Variants in BTAF1 observed in about 807,000 individuals in gnomAD.
BTAF1 encodes TATA-binding protein-associated factor 172.
A neutral mutation model predicts 227.1 loss-of-function variants in BTAF1; 38 were observed. The observed-to-expected ratio is 0.17, with a 90% CI of 0.13 to 0.22. The LOEUF is 0.22. Ranked by LOEUF, BTAF1 falls within the 10% of genes least tolerant of loss-of-function variation. The probability of loss-of-function intolerance (pLI) is 1.00; values close to 1 mark genes in which losing one functional copy is unlikely to be tolerated. For missense variants in BTAF1, 1,598 were observed against 2,204.0 expected, an observed-to-expected ratio of 0.73 and a Z score of 5.51; for synonymous variants, 742 against 751.9, an observed-to-expected ratio of 0.99 and a Z score of 0.21.
intron 1 of BTAF1, among the ~76,000 whole-genome samples, chr10:91,925,213 A>G (rs1226438464): frequency 1.3e-5 from 2 of 152,158 alleles, no homozygotes; most frequent in Non-Finnish European, 2.9e-5. Context: ...AATCTATTCA[A>G]TGTGAGGAAA....
intron 34 of BTAF1, among the ~76,000 whole-genome samples, chr10:92,020,752 T>C (rs1403645107): frequency 6.6e-6 from 1 of 152,208 alleles, no homozygotes; most frequent in East Asian, 1.9e-4. Flanking sequence ...TTTCCTAACA[T>C]AGCTAGTATA....
intron 28 of BTAF1, among the ~76,000 whole-genome samples, chr10:92,009,944 C>T (rs1432629722): frequency 6.6e-6 from 1 of 152,024 alleles, no homozygotes; most frequent in Non-Finnish European, 1.5e-5. Flanking sequence ...TTGCTGTACT[C>T]CTGTGTTAAT....
At position 91,992,236 on chromosome 10, in the gene BTAF1, C is replaced by T. The variant is rs148135608; in HGVS notation, c.2972C>T (p.Pro991Leu). Residue 991 changes from proline to leucine, a missense_variant, in exon 21 of 38, where the codon CCC becomes CTC. Physicochemically the swap from Pro to Leu is moderately conservative, Grantham distance 98. This residue lies in a region of BTAF1 where 425 missense variants were observed against 491.2 expected (regional missense o/e 0.87). Transcript: ENST00000265990. The part of the protein sequence containing the change: ...FAITSRRGPT[P>L]KAVKAQIADL... ...ATCACAAGTAGGCGAGGTCCTACCC[C>T]CAAAGCAGTAAAAGCTCAAATAGCA... 5 of 1,613,652 alleles carry T rather than the reference C, an allele frequency of 3.1e-6. No homozygotes were observed. The Admixed American group carries it at 5.0e-5, about 16-fold the overall frequency.
intron 3 of BTAF1, among the ~76,000 whole-genome samples, chr10:91,942,038 G>A (rs1377086769): frequency 1.3e-5 from 2 of 152,214 alleles, no homozygotes; most frequent in Non-Finnish European, 2.9e-5. Flanking sequence ...ACTTTGGGAA[G>A]TTGAGGCAGG....
At position 91,960,099 on chromosome 10, in the gene BTAF1, G is replaced by A; in HGVS notation, c.1208G>A (p.Trp403Ter). The A allele has an allele frequency of 6.2e-7, 1 of 1,613,778 alleles. No individual in the cohort carries two copies. Among genetic ancestry groups the A allele is most frequent in the African/African-American group, 1.3e-5 (1 of 75,012 alleles). The change falls in exon 11 of 38, where the codon TGG (tryptophan) becomes TAG (stop). Residue 403 changes from tryptophan to a stop codon, truncating the protein, a stop_gained. Transcript: ENST00000265990. LOFTEE classifies it high-confidence loss of function. ...VLLKLLTQEQWEVRHGGLLGI... is the reference protein window; with the variant it reads ...VLLKLLTQEQ Reference sequence around the variant, plus strand: ...CTAAAATTACTTACACAAGAACAATGGGAAGTTAGACATGGTGGTCTGCTG... The same window carrying A: ...CTAAAATTACTTACACAAGAACAATAGGAAGTTAGACATGGTGGTCTGCTG...
At chr10:91,977,483 A>G (rs947387175) in intron 14 of BTAF1, among the ~76,000 whole-genome samples, 9 of 152,150 alleles carry the variant, frequency 5.9e-5, no homozygotes, top group African/African-American at 1.7e-4. Context: ...TTATCCATTC[A>G]CCTACCGAAG....
intron 14 of BTAF1, among the ~76,000 whole-genome samples, chr10:91,970,704 T>C (rs1407277035): frequency 6.6e-6 from 1 of 152,190 alleles, no homozygotes; most frequent in East Asian, 1.9e-4. Context: ...TACATGTTTC[T>C]TACCTTGGAA....
chr10:91,976,933 G>T (rs1308345067), intron 14 of BTAF1, among the ~76,000 whole-genome samples: 1 of 152,140 alleles, frequency 6.6e-6, no homozygotes, highest in African/African-American at 2.4e-5. Flanking sequence ...TGATATGGGA[G>T]GTAGAAGACA....
chr10:92,007,474 C>T (rs895578843), intron 25 of BTAF1, among the ~76,000 whole-genome samples: 5 of 152,084 alleles, frequency 3.3e-5, no homozygotes, highest in African/African-American at 1.2e-4. Context: ...GCCTCAGCCT[C>T]CTGCAGTCCT....
At chr10:91,949,784 T>A (rs540816045) in intron 4 of BTAF1, among the ~76,000 whole-genome samples, 1 of 152,092 alleles carries the variant, frequency 6.6e-6, no homozygotes, top group Non-Finnish European at 1.5e-5. Context: ...CCTTTCTAAC[T>A]TCCTGGGATT....
At chr10:92,010,986 G>A in intron 28 of BTAF1, 87 bp from the exon 29 acceptor site, 1 of 930,334 alleles carries the variant, frequency 1.1e-6, no homozygotes, top group Non-Finnish European at 1.7e-6. Context: ...GGCTTAGTGG[G>A]CAGATTGAAA....
intron 25 of BTAF1, 48 bp downstream of exon 25, chr10:91,997,799 G>T: frequency 6.3e-7 from 1 of 1,587,522 alleles, no homozygotes; most frequent in Non-Finnish European, 8.6e-7. Context: ...TCTATAACTT[G>T]ATCCATAATA....
In BTAF1 at chr10:91,964,207, T is replaced by A; in HGVS notation, c.1529+6T>A. The A allele has an allele frequency of 1.2e-6, 2 of 1,610,506 alleles. No individual in the cohort carries two copies. The highest frequency in any genetic ancestry group is 1.7e-6 in the Non-Finnish European group (2 of 1,178,722). The stretch of plus-strand genomic sequence containing the variant: ...CCTCAGGTCCAACAATGCAGGTAAT[T>A]ATTTCTAATTAGTGGAATAAAGTAA... On this transcript the variant is annotated splice_donor_region_variant and intron_variant, in intron 13 of 37. Transcript: ENST00000265990.
chr10:91,982,662 A>G lies in BTAF1; in HGVS notation c.2124A>G (p.Glu708=), dbSNP rs754889005. 2.5e-6 allele frequency: 4 copies of G among 1,613,706 alleles called. No individual in the cohort carries two copies. Among genetic ancestry groups the G allele is most frequent in the Non-Finnish European group, 8.5e-7 (1 of 1,179,836 alleles). The change falls in exon 18 of 38, where the codon GAA becomes GAG. Residue 708 remains glutamate, a synonymous_variant. Transcript: ENST00000265990. Reference sequence around the variant, plus strand: ...TAACTCAAGAAATTAAACCAGCTGAATCCCTGGGCCAGTTACTACTCTTCC... The same window carrying G: ...TAACTCAAGAAATTAAACCAGCTGAGTCCCTGGGCCAGTTACTACTCTTCC... ...NVVTQEIKPA[E]SLGQLLLFHL... is the part of the protein sequence containing the mutation.
At chr10:91,978,609 A>T (rs754918511) in intron 14 of BTAF1, among the ~76,000 whole-genome samples, 4 of 152,088 alleles carry the variant, frequency 2.6e-5, no homozygotes, top group Non-Finnish European at 5.9e-5. Context: ...ATTTCAGTTA[A>T]AATTTCCAAA....
intron 14 of BTAF1, among the ~76,000 whole-genome samples, chr10:91,980,088 C>CTGAT (rs1847963289): frequency 6.6e-6 from 1 of 152,016 alleles, no homozygotes; most frequent in Admixed American, 6.6e-5. Context: ...CAGCAGTAAC[C>CTGAT]TGATTATTTT....
At chr10:92,020,860 AG>A (rs1851070992) in intron 34 of BTAF1, among the ~76,000 whole-genome samples, 1 of 152,188 alleles carries the variant, frequency 6.6e-6, no homozygotes, top group Non-Finnish European at 1.5e-5. Flanking sequence ...AATTTTACAT[AG>A]GTTCTTACAG....
At chr10:91,929,270 C>G (rs1844099146) in intron 1 of BTAF1, among the ~76,000 whole-genome samples, 1 of 152,124 alleles carries the variant, frequency 6.6e-6, no homozygotes, top group African/African-American at 2.4e-5. Context: ...ATAGTTTTTC[C>G]TTAATCAGCT....
intron 2 of BTAF1, 35 bp downstream of exon 2, chr10:91,935,815 A>G (rs1288570055): frequency 5.9e-6 from 9 of 1,524,810 alleles, no homozygotes; most frequent in South Asian, 1.2e-5. Context: ...GCATAATACA[A>G]TTGTAGAGAC....
Sources: allele counts gnomAD v4.1 joint callset (sites outside exome capture counted in the v4.1 genomes callset), GRCh38; gene constraint gnomAD v4.1.1; regional missense constraint gnomAD v4.1.1; transcripts MANE v1.5; gene names NCBI Gene and HGNC (gene_info 2026-07-23, HGNC 2026-07-21).